CPAP: variants seen among roughly 807,000 people sequenced by gnomAD.
CPAP encodes centrosomal P4.1-associated protein.
chr13:24,926,047 C>A, the CPAP span, among the ~76,000 whole-genome samples: 5 of 152,230 alleles, frequency 3.3e-5, no homozygotes, highest in Non-Finnish European at 5.9e-5. Flanking sequence ...GCTGCTCTTA[C>A]ACTGCATATC....
chr13:24,888,568 C>T, the CPAP span, among the ~76,000 whole-genome samples: 1 of 148,884 alleles, frequency 6.7e-6, no homozygotes, highest in African/African-American at 2.4e-5. Context: ...AGAGCATACT[C>T]TGCTGACAGT....
the CPAP span, among the ~76,000 whole-genome samples, chr13:24,929,305 A>G: frequency 2.0e-5 from 3 of 152,168 alleles, no homozygotes; most frequent in African/African-American, 7.2e-5. Context: ...CAAGCAATCC[A>G]CCTGCCTCAG....
chr13:24,889,318 T>C, the CPAP span: 2 of 1,603,382 alleles, frequency 1.2e-6, no homozygotes, highest in Non-Finnish European at 1.7e-6. Flanking sequence ...CCTCTTACCT[T>C]GCATTGGAAG....
the CPAP span, among the ~76,000 whole-genome samples, chr13:24,903,765 T>A: frequency 1.3e-5 from 2 of 152,214 alleles, no homozygotes; most frequent in Non-Finnish European, 2.9e-5. Context: ...CTACCCTGGG[T>A]CATTTTATTC....
chr13:24,906,033 C>T, the CPAP span: 1 of 1,614,066 alleles, frequency 6.2e-7, no homozygotes, highest in Non-Finnish European at 8.5e-7. Flanking sequence ...CAAGGCTGTT[C>T]CCTCAATTCA....
the CPAP span, chr13:24,903,940 G>A: frequency 2.5e-6 from 4 of 1,613,898 alleles, no homozygotes; most frequent in African/African-American, 4.0e-5. Context: ...GTTTTTCCAA[G>A]GCACTTTCTC....
chr13:24,907,922 A>T, the CPAP span: 1 of 962,260 alleles, frequency 1.0e-6, no homozygotes, highest in Non-Finnish European at 1.6e-6. Flanking sequence ...CAAAAACCAG[A>T]AAAATATAGA....
chr13:24,882,826 C>CTGA, the CPAP span: 1 of 302,742 alleles, frequency 3.3e-6, no homozygotes, highest in Admixed American at 4.7e-5. Context: ...TGCTCTACGG[C>CTGA]TGATGTGTCT....
chr13:24,918,341 A>G, the CPAP span, among the ~76,000 whole-genome samples: 3 of 152,230 alleles, frequency 2.0e-5, no homozygotes, highest in Admixed American at 1.3e-4. Flanking sequence ...GCAAAAACAC[A>G]GCAATTTTTT....
the CPAP span, among the ~76,000 whole-genome samples, chr13:24,916,304 C>G: frequency 2.6e-5 from 4 of 151,896 alleles, no homozygotes; most frequent in African/African-American, 4.8e-5. Flanking sequence ...CAATATAATA[C>G]AGCAAAATAT....
At chr13:24,900,431 C>T in the CPAP span, among the ~76,000 whole-genome samples, 4 of 152,180 alleles carry the variant, frequency 2.6e-5, no homozygotes, top group Non-Finnish European at 4.4e-5. Context: ...GGAGCTGGAC[C>T]TGAGGTCAGG....
the CPAP span, among the ~76,000 whole-genome samples, chr13:24,907,432 G>A: frequency 1.2e-4 from 19 of 152,116 alleles, no homozygotes; most frequent in East Asian, 2.5e-3. Context: ...TCCATCTATC[G>A]ACCACAGATT....
At chr13:24,906,808 C>T in the CPAP span, 1 of 1,614,200 alleles carries the variant, frequency 6.2e-7, no homozygotes, top group East Asian at 2.2e-5. Flanking sequence ...TAAACAGCGG[C>T]TGGTCCTCGG....
the CPAP span, chr13:24,906,549 A>T: frequency 2.5e-6 from 4 of 1,614,166 alleles, no homozygotes; most frequent in South Asian, 4.4e-5. Flanking sequence ...TTATTATTAG[A>T]TGTGACTTTG....
At chr13:24,921,179 A>G in the CPAP span, among the ~76,000 whole-genome samples, 1 of 152,130 alleles carries the variant, frequency 6.6e-6, no homozygotes, top group Non-Finnish European at 1.5e-5. Context: ...GTAACCCGAG[A>G]CCAATTTGAT....
chr13:24,891,402 G>T, the CPAP span, among the ~76,000 whole-genome samples: 2 of 152,268 alleles, frequency 1.3e-5, no homozygotes, highest in South Asian at 4.1e-4. Flanking sequence ...CGGATCTCCT[G>T]TGTGTCTCGT....
chr13:24,886,455 TCAG>T, the CPAP span: 1 of 783,644 alleles, frequency 1.3e-6, no homozygotes, highest in African/African-American at 1.8e-5. Context: ...CTGCCACACA[TCAG>T]CAATTTCATA....
chr13:24,922,832 C>G, the CPAP span: 1 of 152,616 alleles, frequency 6.6e-6, no homozygotes, highest in Non-Finnish European at 1.5e-5. Flanking sequence ...ACAAATGGGC[C>G]GCCACAATCG....
the CPAP span, chr13:24,885,505 A>ACT: frequency 2.7e-4 from 323 of 1,182,280 alleles, 2 homozygotes; most frequent in East Asian, 7.2e-3. Context: ...TTAAGTAAAA[A>ACT]CTCTTTTTTA....
Sources: gnomAD v4.1 joint callset for allele counts (sites outside exome capture counted in the v4.1 genomes callset) on GRCh38, gnomAD v4.1.1 for gene constraint, MANE v1.5 for transcripts, NCBI Gene and HGNC (gene_info 2026-07-23, HGNC 2026-07-21) for gene names.